MAGI2: variants seen among roughly 807,000 people sequenced by gnomAD.
The protein encoded by MAGI2 is membrane-associated guanylate kinase, WW and PDZ domain-containing protein 2.
MAGI2 carries 35 observed loss-of-function variants against 133.3 expected under a neutral mutation model. That is an observed-to-expected ratio of 0.26 (90% CI 0.20 to 0.35). The LOEUF is 0.35. Among genes scored for constraint, MAGI2 ranks in the 10% least tolerant of loss-of-function variants. The probability of loss-of-function intolerance (pLI) is 1.00; values close to 1 mark genes in which losing one functional copy is unlikely to be tolerated. For missense variants in MAGI2, 1,636 were observed against 1,863.4 expected (o/e 0.88, Z 2.25); for synonymous variants, 729 against 710.6 (o/e 1.03, Z -0.41).
intron 1 of MAGI2, among the ~76,000 whole-genome samples, chr7:79,045,198 A>G (rs6948242): frequency 0.26 from 39,751 of 152,062 alleles, 5,294 homozygotes; most frequent in Middle Eastern, 0.37. Flanking sequence ...TAGAAAGCAG[A>G]TCAGTGGCTT....
chr7:79,019,038 G>T (rs1809022408), intron 1 of MAGI2, among the ~76,000 whole-genome samples: 2 of 152,204 alleles, frequency 1.3e-5, no homozygotes, highest in South Asian at 4.2e-4. Flanking sequence ...TTGAAGAAAT[G>T]GACCTAATAG....
chr7:78,091,991 A>C (rs1444097811), intron 20 of MAGI2, among the ~76,000 whole-genome samples: 1 of 152,212 alleles, frequency 6.6e-6, no homozygotes, highest in Non-Finnish European at 1.5e-5. Flanking sequence ...TTAGTACTTC[A>C]TGGGTCTGAA....
chr7:78,166,069 C>T (rs1825592806), intron 15 of MAGI2, among the ~76,000 whole-genome samples: 1 of 152,326 alleles, frequency 6.6e-6, no homozygotes, highest in Non-Finnish European at 1.5e-5. Flanking sequence ...TTGAAATGCA[C>T]TCAAAAGCCT....
At chr7:79,338,888 A>T (rs2129098030) in intron 1 of MAGI2, among the ~76,000 whole-genome samples, 1 of 152,208 alleles carries the variant, frequency 6.6e-6, no homozygotes, top group South Asian at 2.1e-4. Flanking sequence ...TGCTTCCATG[A>T]TTCTTGATTC....
chr7:79,258,904 C>A (rs907286399), intron 1 of MAGI2, among the ~76,000 whole-genome samples: 1 of 152,248 alleles, frequency 6.6e-6, no homozygotes, highest in South Asian at 2.1e-4. Flanking sequence ...ATGGAGCAAT[C>A]TACTATCTTC....
chr7:79,420,345 T>G (rs1224350232), intron 1 of MAGI2, among the ~76,000 whole-genome samples: 1 of 152,036 alleles, frequency 6.6e-6, no homozygotes, highest in Non-Finnish European at 1.5e-5. Context: ...AAAATCAGCC[T>G]GTTACAAAAC....
chr7:78,303,097 G>A (rs1236364485), intron 9 of MAGI2, among the ~76,000 whole-genome samples: 1 of 152,086 alleles, frequency 6.6e-6, no homozygotes, highest in Admixed American at 6.6e-5. Flanking sequence ...GCTCCCCACG[G>A]CCAGACACGG....
At chr7:78,483,463 A>G (rs547206779) in intron 6 of MAGI2, among the ~76,000 whole-genome samples, 1 of 152,006 alleles carries the variant, frequency 6.6e-6, no homozygotes, top group Admixed American at 6.6e-5. Flanking sequence ...TCATTGGTGC[A>G]GGAAGGATAT....
intron 6 of MAGI2, among the ~76,000 whole-genome samples, chr7:78,474,144 T>C (rs958208577): frequency 2.6e-5 from 4 of 151,172 alleles, no homozygotes; most frequent in Non-Finnish European, 4.4e-5. Context: ...GATATGACTA[T>C]AAGATTAAAC....
chr7:78,045,901 A>G (rs1376935166), intron 21 of MAGI2, among the ~76,000 whole-genome samples: 1 of 152,112 alleles, frequency 6.6e-6, no homozygotes, highest in African/African-American at 2.4e-5. Context: ...TAATATATAA[A>G]CCTTGTGATA....
intron 9 of MAGI2, among the ~76,000 whole-genome samples, chr7:78,312,971 C>T (rs938040669): frequency 9.9e-5 from 15 of 151,098 alleles, no homozygotes; most frequent in Middle Eastern, 3.5e-3. Context: ...TGTATATACA[C>T]ACACACACAC....
intron 2 of MAGI2, among the ~76,000 whole-genome samples, chr7:78,778,238 G>C (rs1008993272): frequency 1.3e-5 from 2 of 152,200 alleles, no homozygotes; most frequent in African/African-American, 2.4e-5. Context: ...ACGTTTGCCA[G>C]AGCTGAACCT....
chr7:78,810,129 G>T (rs1788916507), intron 2 of MAGI2, among the ~76,000 whole-genome samples: 1 of 152,066 alleles, frequency 6.6e-6, no homozygotes, highest in African/African-American at 2.4e-5. Context: ...TTTAGGAAAG[G>T]CTGGTTAATG....
At chr7:78,227,850 T>TTTGTGTGTGTGTGTGTGTG (rs10630131) in intron 10 of MAGI2, among the ~76,000 whole-genome samples, 5 of 145,544 alleles carry the variant, frequency 3.4e-5, no homozygotes, top group Non-Finnish European at 4.5e-5. Context: ...TCTTACTCAG[T>TTTGTGTGTGTGTGTGTGTG]TGTGTGTGTG....
chr7:78,689,547 C>T lies in MAGI2; in HGVS notation c.419-62308G>A, dbSNP rs374987469. On this transcript the variant is annotated intron_variant, in intron 2 of 21. Transcript: ENST00000354212. ...TCACCTCAAATGCTTCATACTCCTTCGCAGTTTTCTCTCTGTCTCGCCCAC... is the reference window on the plus strand; with the variant it reads ...TCACCTCAAATGCTTCATACTCCTTTGCAGTTTTCTCTCTGTCTCGCCCAC... Among the ~76,000 whole-genome samples, 24 of 152,234 alleles carry T rather than the reference C, an allele frequency of 1.6e-4. No homozygotes were observed. The South Asian group carries it at 3.7e-3, about 24-fold the overall frequency.
chr7:78,468,826 G>A (rs1006756053), intron 6 of MAGI2, among the ~76,000 whole-genome samples: 3 of 152,162 alleles, frequency 2.0e-5, no homozygotes, highest in African/African-American at 7.2e-5. Context: ...TCTGATTGAG[G>A]TAGGAGTCTG....
At chr7:78,963,718 C>A (rs10265346) in intron 2 of MAGI2, among the ~76,000 whole-genome samples, 3,007 of 151,570 alleles carry the variant, frequency 0.02, 64 homozygotes, top group African/African-American at 0.063. Context: ...ATATATTCTC[C>A]TTTTTTTTCC....
rs115412295 is a variant in MAGI2, at chr7:79,408,538, G to T, written c.301+44482C>A. 6.9e-3 allele frequency among the ~76,000 whole-genome samples: 1,053 copies of T among 152,014 alleles called. 12 individuals are homozygous for T. The highest frequency in any genetic ancestry group is 0.023 in the African/African-American group (959 of 41,496). ...TGGCCTATTGTTTCCATAAGTGAGG[G>T]ATTAAATAAATGTCTAAATGGAAAT... is the stretch of plus-strand genomic sequence containing the variant. On this transcript the variant is annotated intron_variant, in intron 1 of 21. Coordinates refer to ENST00000354212, the MANE Select transcript of MAGI2 (RefSeq NM_012301.4).
chr7:79,105,607 TC>T (rs1818384447), intron 1 of MAGI2, among the ~76,000 whole-genome samples: 1 of 152,204 alleles, frequency 6.6e-6, no homozygotes, highest in African/African-American at 2.4e-5. Context: ...GCTGCCTCTG[TC>T]CTACCACCAG....
Sources: gnomAD v4.1 joint callset for allele counts (sites outside exome capture counted in the v4.1 genomes callset) on GRCh38, gnomAD v4.1.1 for gene constraint, MANE v1.5 for transcripts, NCBI Gene and HGNC (gene_info 2026-07-23, HGNC 2026-07-21) for gene names.